TRIO: variants seen among roughly 807,000 people sequenced by gnomAD.
TRIO encodes triple functional domain protein.
In TRIO, 58 loss-of-function variants were observed where a neutral mutation model predicts 351.9. That is an observed-to-expected ratio of 0.16 (90% CI 0.13 to 0.21). The LOEUF is 0.21. Ranked by LOEUF, TRIO falls within the 10% of genes least tolerant of loss-of-function variation. The pLI is 1.00. For missense variants in TRIO, 3,201 were observed against 4,027.8 expected, an observed-to-expected ratio of 0.79 and a Z score of 5.56; for synonymous variants, 1,758 against 1,595.7, an observed-to-expected ratio of 1.10 and a Z score of -2.42.
intron 29 of TRIO, 137 bp downstream of exon 29, chr5:14,397,291 T>C (rs1747689291): frequency 1.5e-6 from 1 of 679,330 alleles, no homozygotes; most frequent in Non-Finnish European, 2.4e-6. Flanking sequence ...AAAGAATCAG[T>C]GTCATTGCTT....
In TRIO at chr5:14,239,879, C is replaced by T. The variant is rs964741250; in HGVS notation, c.158-30946C>T. ...GAAAGGCTTCATGAAGTTTGAGATG[C>T]CTTTAACGAAGGATGCTTTTCACGG... On this transcript the variant is annotated intron_variant, in intron 1 of 56. Coordinates refer to ENST00000344204, the MANE Select transcript of TRIO (RefSeq NM_007118.4). Among the ~76,000 whole-genome samples the T allele has an allele frequency of 2.0e-5, 3 of 152,112 alleles. No individual in the cohort carries two copies. In the East Asian group the frequency reaches 5.8e-4, roughly 29 times the overall value.
intron 34 of TRIO, among the ~76,000 whole-genome samples, chr5:14,447,289 C>A (rs1363634198): frequency 6.6e-6 from 1 of 152,132 alleles, no homozygotes; most frequent in African/African-American, 2.4e-5. Context: ...TACTCCAAAG[C>A]CACGTTTTTT....
At chr5:14,445,609 G>C (rs911225686) in intron 34 of TRIO, among the ~76,000 whole-genome samples, 6 of 152,192 alleles carry the variant, frequency 3.9e-5, no homozygotes, top group African/African-American at 1.4e-4. Context: ...AATTCCTTCT[G>C]TAGTGAAATG....
chr5:14,173,007 A>AT (rs1249605206), intron 1 of TRIO, among the ~76,000 whole-genome samples: 9 of 152,248 alleles, frequency 5.9e-5, no homozygotes, highest in Non-Finnish European at 1.3e-4. Flanking sequence ...AGCCCCTCTG[A>AT]TGGCTTCTAA....
At chr5:14,394,295 G>A (rs1199118796) in intron 28 of TRIO, among the ~76,000 whole-genome samples, 165 bp downstream of exon 28, 2 of 152,040 alleles carry the variant, frequency 1.3e-5, no homozygotes, top group African/African-American at 4.8e-5. Context: ...TCTCATTGCA[G>A]GAGTTAAATG....
intron 34 of TRIO, among the ~76,000 whole-genome samples, chr5:14,450,739 T>C (rs1752792877): frequency 6.6e-6 from 1 of 152,202 alleles, no homozygotes; most frequent in South Asian, 2.1e-4. Flanking sequence ...TCTCTGGCTG[T>C]TGTAAAGATT....
chr5:14,502,951 G>A (rs1197038334), intron 54 of TRIO, among the ~76,000 whole-genome samples: 1 of 152,240 alleles, frequency 6.6e-6, no homozygotes, highest in Admixed American at 6.5e-5. Context: ...CCGTCCTTGG[G>A]AGAGTTCAGG....
At chr5:14,240,701 A>AT (rs1234425763) in intron 1 of TRIO, among the ~76,000 whole-genome samples, 2 of 152,164 alleles carry the variant, frequency 1.3e-5, no homozygotes, top group African/African-American at 4.8e-5. Context: ...CCTTTTGTAG[A>AT]TTTTCAGACA....
intron 41 of TRIO, 55 bp from the exon 42 acceptor site, chr5:14,479,206 T>G (rs944814881): frequency 2.7e-6 from 4 of 1,457,466 alleles, no homozygotes; most frequent in Non-Finnish European, 3.9e-6. Flanking sequence ...TACTCGTGTA[T>G]TCTAATCGAA....
chr5:14,435,730 T>C (rs1751529771), intron 34 of TRIO, among the ~76,000 whole-genome samples: 1 of 152,106 alleles, frequency 6.6e-6, no homozygotes. Context: ...AGTGCTGTCA[T>C]TGTTTTCTTC....
At chr5:14,460,012 T>G (rs868781173) in intron 34 of TRIO, among the ~76,000 whole-genome samples, 2 of 151,840 alleles carry the variant, frequency 1.3e-5, no homozygotes, top group Admixed American at 6.6e-5. Context: ...GCCTCCTGGG[T>G]TCACACCATT....
intron 11 of TRIO, among the ~76,000 whole-genome samples, chr5:14,357,070 G>A (rs145276551): frequency 2.3e-3 from 354 of 152,322 alleles, no homozygotes; most frequent in Non-Finnish European, 4.5e-3. Flanking sequence ...TTACATTTGT[G>A]CAGCTTATAG....
intron 10 of TRIO, among the ~76,000 whole-genome samples, chr5:14,333,894 A>G (rs1032701986): frequency 5.3e-5 from 8 of 152,220 alleles, no homozygotes; most frequent in Non-Finnish European, 1.0e-4. Flanking sequence ...CGGCTCTAGC[A>G]TGAGATGCCT....
rs769710801 is a variant in TRIO at position 14,374,234 on chromosome 5, C to T, written c.3222C>T (p.Cys1074=). Reference sequence around the variant, plus strand: ...TGCTCTCCATTGTTTTTTAGGCTTGCACCCTTGCTCGGAGGAATGCAGACG... The same window carrying T: ...TGCTCTCCATTGTTTTTTAGGCTTGTACCCTTGCTCGGAGGAATGCAGACG... ...LEQKEAFLKA[C]TLARRNADVF... is the part of the protein sequence containing the mutation. The change falls in exon 19 of 57, where the codon TGC becomes TGT. Residue 1074 remains cysteine, a synonymous_variant. Coordinates refer to ENST00000344204, the MANE Select transcript of TRIO (RefSeq NM_007118.4). 6.2e-7 allele frequency: 1 copy of T among 1,612,950 alleles called. No homozygotes were observed. Among genetic ancestry groups the T allele is most frequent in the South Asian group, 1.1e-5 (1 of 90,992 alleles).
intron 34 of TRIO, among the ~76,000 whole-genome samples, chr5:14,428,152 A>G (rs754914341): frequency 3.9e-5 from 6 of 152,214 alleles, no homozygotes; most frequent in Non-Finnish European, 7.4e-5. Context: ...GAAACTGCTT[A>G]TAACATTTCC....
At position 14,406,574 on chromosome 5, in the gene TRIO, G is replaced by T. The variant is rs1412249861; in HGVS notation, c.4861G>T (p.Asp1621Tyr). Reference protein sequence around the residue: ...APATRQKGRRDGEDLDSQGDG... With the variant: ...APATRQKGRRYGEDLDSQGDG... ...CTAAAAGTTTCTTTGCACCGCCAGG[G>T]ATGGAGAGGATCTGGACAGCCAAGG... Residue 1621 changes from aspartate to tyrosine, a missense_variant and splice_region_variant, in exon 33 of 57, where the codon GAT becomes TAT. Physicochemically the swap from Asp to Tyr is radical, Grantham distance 160. Coordinates refer to ENST00000344204, the MANE Select transcript of TRIO (RefSeq NM_007118.4). The T allele has an allele frequency of 6.2e-7, 1 of 1,613,890 alleles. No homozygotes were observed. Among genetic ancestry groups the T allele is most frequent in the African/African-American group, 1.3e-5 (1 of 74,930 alleles).
In TRIO at chr5:14,316,377, C is replaced by A. The variant is rs186547807; in HGVS notation, c.1501-136C>A. ...AAAACTGTGGTGTGTGAATGAATGT[C>A]TGGGCATGTGTGTAATGTGTGTACA... On this transcript the variant is annotated intron_variant, in intron 8 of 56. Transcript: ENST00000344204. The A allele has an allele frequency of 1.3e-4, 104 of 824,080 alleles. 2 individuals are homozygous for A. The African/African-American group carries it at 1.5e-3, about 12-fold the overall frequency. 51.0% of individuals were successfully genotyped at this position (824,080 alleles called of 1,614,324 possible).
intron 2 of TRIO, 84 bp downstream of exon 2, chr5:14,270,983 A>G: frequency 1.1e-6 from 1 of 943,886 alleles, no homozygotes; most frequent in Non-Finnish European, 1.7e-6. Flanking sequence ...CTCACCTGCC[A>G]CAACATATAA....
intron 1 of TRIO, among the ~76,000 whole-genome samples, chr5:14,242,928 C>T (rs1042664380): frequency 1.5e-4 from 23 of 152,172 alleles, no homozygotes; most frequent in African/African-American, 5.1e-4. Flanking sequence ...CTCTCTACTC[C>T]GGAAGGTAAA....
Sources: gnomAD v4.1 joint callset for allele counts (sites outside exome capture counted in the v4.1 genomes callset) on GRCh38, gnomAD v4.1.1 for gene constraint, MANE v1.5 for transcripts, NCBI Gene and HGNC (gene_info 2026-07-23, HGNC 2026-07-21) for gene names.